Variants in MSH6 observed in about 807,000 individuals in gnomAD.
MSH6 encodes mutS homolog 6, also known as DNA mismatch repair protein Msh6.
MSH6 carries 85 observed loss-of-function variants against 119.1 expected under a neutral mutation model. The observed-to-expected ratio is 0.71, with a 90% CI of 0.60 to 0.85. The LOEUF (loss-of-function observed/expected upper bound fraction) is 0.85, where lower values mean the gene tolerates loss of function less well. Ranked by LOEUF, MSH6 falls within the 40% of genes least tolerant of loss-of-function variation. The pLI is 0.00. For missense variants in MSH6, 2,163 were observed against 1,655.3 expected (o/e 1.31, Z -5.32); for synonymous variants, 830 against 586.9 (o/e 1.41, Z -5.99).
intron 1 of MSH6, among the ~76,000 whole-genome samples, chr2:47,788,863 C>T (rs532916662): frequency 4.9e-5 from 7 of 141,630 alleles, no homozygotes; most frequent in African/African-American, 7.8e-5. Flanking sequence ...TGAGCCACTG[C>T]GCCCGGCCCA....
intron 2 of MSH6, among the ~76,000 whole-genome samples, chr2:47,792,884 T>A (rs1668831871): frequency 6.8e-6 from 1 of 146,046 alleles, no homozygotes; most frequent in African/African-American, 2.5e-5. Context: ...GAGATGACGG[T>A]CTTGCTATGT....
chr2:47,801,439 G>A (rs1453570318), intron 4 of MSH6: 7 of 328,032 alleles, frequency 2.1e-5, no homozygotes, highest in Non-Finnish European at 3.2e-5. Context: ...CACAACCATG[G>A]CTACTGCAGC....
chr2:47,792,779 CT>C (rs1359674145), intron 2 of MSH6, among the ~76,000 whole-genome samples: 3 of 150,988 alleles, frequency 2.0e-5, no homozygotes, highest in East Asian at 3.9e-4. Context: ...TGATTCCCCC[CT>C]GTTTTAGCCT....
At position 47,783,174 on chromosome 2, in the gene MSH6, A is replaced by G. The variant is rs1668102926; in HGVS notation, c.-60A>G. On this transcript the variant is annotated 5_prime_UTR_variant, in exon 1 of 10. Coordinates refer to ENST00000234420, the MANE Select transcript of MSH6 (RefSeq NM_000179.3). ...TTCCCGCCAGCAGGAGCCGCGCGGT[A>G]GATGCGGTGCTTTTAGGAGCTCCGT... is the stretch of plus-strand genomic sequence containing the variant. 3.1e-6 allele frequency: 5 copies of G among 1,598,604 alleles called. No homozygotes were observed. The highest frequency in any genetic ancestry group is 3.4e-6 in the Non-Finnish European group (4 of 1,173,774).
At chr2:47,809,771 TAGCA>T (rs940060508), downstream of MSH6, 36 of 1,056,052 alleles carry the variant, frequency 3.4e-5, no homozygotes, top group Non-Finnish European at 5.2e-5. Flanking sequence ...AACCTGAAAT[TAGCA>T]AGCAAATGTA....
At chr2:47,790,563 T>C (rs1572708080) in intron 1 of MSH6, among the ~76,000 whole-genome samples, 1 of 152,242 alleles carries the variant, frequency 6.6e-6, no homozygotes, top group East Asian at 1.9e-4. Flanking sequence ...GTTTCTGATA[T>C]GTACATACCA....
chr2:47,799,854 G>A lies in MSH6; in HGVS notation c.1871G>A (p.Gly624Asp), dbSNP rs763606858. The change falls in exon 4 of 10, where the codon GGC becomes GAC. Residue 624 changes from glycine to aspartate, a missense_variant. Physicochemically the swap from Gly to Asp is moderately conservative, Grantham distance 94. Coordinates refer to ENST00000234420, the MANE Select transcript of MSH6 (RefSeq NM_000179.3). ...SCSLQEGLIP[G>D]SQFWDASKTL... ...TCTCTTCAGGAAGGTCTGATACCCG[G>A]CTCCCAGTTTTGGGATGCATCCAAA... The A allele has an allele frequency of 8.7e-6, 14 of 1,614,044 alleles. No homozygotes were observed. The Admixed American group carries it at 2.3e-4, about 27-fold the overall frequency.
intron 1 of MSH6, among the ~76,000 whole-genome samples, chr2:47,788,216 C>A (rs74613867): frequency 0.073 from 10,309 of 142,016 alleles, 536 homozygotes; most frequent in Non-Finnish European, 0.11. Context: ...TTATAGCTTA[C>A]TGCTATTTCT....
At chr2:47,803,918 G>C (rs1430249710) in intron 5 of MSH6, among the ~76,000 whole-genome samples, 2 of 152,206 alleles carry the variant, frequency 1.3e-5, no homozygotes, top group Non-Finnish European at 2.9e-5. Flanking sequence ...CAGTCATTCA[G>C]GTCATGAGGC....
chr2:47,806,712 A>ACT, intron 9 of MSH6, 61 bp downstream of exon 9: 1 of 1,582,728 alleles, frequency 6.3e-7, no homozygotes, highest in Non-Finnish European at 8.6e-7. Flanking sequence ...AGAAACAGTA[A>ACT]AAGGGGAAGG....
downstream of MSH6, chr2:47,808,631 T>C (rs893122546): frequency 1.2e-5 from 6 of 493,244 alleles, no homozygotes; most frequent in South Asian, 3.8e-5. Flanking sequence ...GGAAGAGAAA[T>C]GATTTGTAAA....
In MSH6 at chr2:47,805,520, A is replaced by C; in HGVS notation, c.3557-98A>C. 3.5e-6 allele frequency: 3 copies of C among 857,198 alleles called. No homozygotes were observed. The Admixed American group carries it at 5.5e-5, about 16-fold the overall frequency. 53.1% of individuals were successfully genotyped at this position (857,198 alleles called of 1,614,324 possible). A position where few individuals can be genotyped will look rare whatever the true frequency, so the allele number is the denominator to read the frequency against. ...TTAATGAGATTTAATCTTTTATACC[A>C]ATATGTGTAGCTCATGATAGCTATA... is the stretch of plus-strand genomic sequence containing the variant. On this transcript the variant is annotated intron_variant, in intron 6 of 9. Coordinates refer to ENST00000234420, the MANE Select transcript of MSH6 (RefSeq NM_000179.3).
chr2:47,788,906 CCTTTTTTTTTTTTTTGTTTTTTTTTTTTT>C (rs1668532951), intron 1 of MSH6, among the ~76,000 whole-genome samples: 6 of 15,826 alleles, frequency 3.8e-4, no homozygotes, highest in Non-Finnish European at 5.9e-4. Context: ...CTTTCTTCTT[CCTTTTTTTTTTTTTTGTTTTTTTTTTTTT>C]TTTTTTTTTT....
At chr2:47,797,989 G>A in intron 3 of MSH6, 1 of 208,950 alleles carries the variant, frequency 4.8e-6, no homozygotes, top group Non-Finnish European at 1.0e-5. Context: ...TACCCACTCT[G>A]CTTCCTTCAT....
At chr2:47,783,850 C>G (rs3136232) in intron 1 of MSH6, 17,768 of 816,142 alleles carry the variant, frequency 0.022, 231 homozygotes, top group Middle Eastern at 0.047. Context: ...GAGGTGGGAG[C>G]ACTGGGGGTG....
At position 47,801,363 on chromosome 2, in the gene MSH6, T is replaced by TTTG. The variant is rs1446394090; in HGVS notation, c.3172+210_3172+211insGTT. On this transcript the variant is annotated intron_variant, in intron 4 of 9. Transcript: ENST00000234420. ...AGTAGCCCTTTGGCCTTTCTTCAGT[T>TTTG]TTTTTTTTTTTTTTTTTTTTTTTGA... 3.1e-4 allele frequency: 126 copies of TTTG among 408,054 alleles called. 1 individual carries two copies. Among genetic ancestry groups the TTTG allele is most frequent in the Non-Finnish European group, 4.6e-4 (109 of 236,582 alleles). 25.3% of individuals were successfully genotyped at this position (408,054 alleles called of 1,614,324 possible).
chr2:47,808,099 T>G (rs1450725709), downstream of MSH6: 1 of 1,593,010 alleles, frequency 6.3e-7, no homozygotes, highest in Non-Finnish European at 8.5e-7. Context: ...TGGCAGGACT[T>G]TTTCTTTAGG....
At chr2:47,784,124 G>A in intron 1 of MSH6, 1 of 1,006,034 alleles carries the variant, frequency 9.9e-7, no homozygotes, top group Non-Finnish European at 1.2e-6. Context: ...CCGCCGAGGG[G>A]GTGGGCCACG....
chr2:47,794,623 C>T lies in MSH6; in HGVS notation c.458-1271C>T, dbSNP rs183907677. On this transcript the variant is annotated intron_variant, in intron 2 of 9. Coordinates refer to ENST00000234420, the MANE Select transcript of MSH6 (RefSeq NM_000179.3). Reference sequence around the variant, plus strand: ...CTGTTTTGAGAAATAAATTTTAACGCGTTGAGTCTGAACTGGGCTGCCCTT... The same window carrying T: ...CTGTTTTGAGAAATAAATTTTAACGTGTTGAGTCTGAACTGGGCTGCCCTT... Among the ~76,000 whole-genome samples, 9 of 152,026 alleles carry T rather than the reference C, an allele frequency of 5.9e-5. 1 individual carries two copies. Among genetic ancestry groups the T allele is most frequent in the Admixed American group, 1.3e-4 (2 of 15,278 alleles).
Sources: allele counts gnomAD v4.1 joint callset (sites outside exome capture counted in the v4.1 genomes callset), GRCh38; gene constraint gnomAD v4.1.1; transcripts MANE v1.5; gene names NCBI Gene and HGNC (gene_info 2026-07-23, HGNC 2026-07-21).